HMGN1: variants seen among roughly 807,000 people sequenced by gnomAD.
The protein encoded by HMGN1 is non-histone chromosomal protein HMG-14.
In HMGN1, 9 loss-of-function variants were observed where a neutral mutation model predicts 18.4. The observed-to-expected ratio is 0.49, with a 90% CI of 0.29 to 0.85. The LOEUF is 0.85. Ranked by LOEUF, HMGN1 falls within the 40% of genes least tolerant of loss-of-function variation. The probability of loss-of-function intolerance (pLI) is 0.07; values close to 1 mark genes in which losing one functional copy is unlikely to be tolerated. For synonymous variants in HMGN1, 59 were observed against 45.0 expected (o/e 1.31, Z -1.24); for missense variants, 151 against 119.2 (o/e 1.27, Z -1.24).
intron 4 of HMGN1, 51 bp from the exon 5 acceptor site, chr21:39,345,325 C>G: frequency 1.9e-6 from 3 of 1,563,806 alleles, no homozygotes; most frequent in Non-Finnish European, 2.6e-6. Flanking sequence ...TCCTTATTTA[C>G]ATTTTGTTTT....
intron 4 of HMGN1, chr21:39,347,357 A>G (rs1431454189): frequency 1.2e-5 from 13 of 1,089,470 alleles, no homozygotes; most frequent in East Asian, 6.7e-5. Context: ...ATTAAAAAAG[A>G]AAAAACATCT....
In HMGN1 at chr21:39,343,115, A is replaced by G. The variant is rs757654629; in HGVS notation, c.300T>C (p.Asp100=). Residue 100 remains aspartate, a synonymous_variant, in exon 6 of 6, where the codon GAT becomes GAC. Transcript: ENST00000380749. The part of the protein sequence containing the change: ...DEAGEKEAKS[D] ...GATAAGACATGGTATATGGTTATTA[A>G]TCAGACTTGGCTTCTTTCTCTCCTG... The G allele has an allele frequency of 6.4e-7, 1 of 1,573,002 alleles. No individual in the cohort carries two copies. Among genetic ancestry groups the G allele is most frequent in the Non-Finnish European group, 8.7e-7 (1 of 1,146,698 alleles).
chr21:39,343,183 T>C, intron 5 of HMGN1, 24 bp from the exon 6 acceptor site: 1 of 1,582,916 alleles, frequency 6.3e-7, no homozygotes, highest in Non-Finnish European at 8.6e-7. Context: ...GAAATTGAGA[T>C]CTTTAGCATT....
chr21:39,345,556 C>G (rs1360088009), intron 4 of HMGN1: 8 of 479,044 alleles, frequency 1.7e-5, no homozygotes, highest in Non-Finnish European at 3.1e-5. Flanking sequence ...AGGTCCCCCC[C>G]AGTAATCAGG....
chr21:39,345,682 C>T (rs2037025955), intron 4 of HMGN1: 1 of 482,424 alleles, frequency 2.1e-6, no homozygotes, highest in African/African-American at 2.0e-5. Context: ...ATCCACTATT[C>T]CCTACAGTTC....
At chr21:39,345,074 T>G (rs1339807786) in intron 5 of HMGN1, 72 bp downstream of exon 5, 1 of 1,432,316 alleles carries the variant, frequency 7.0e-7, no homozygotes, top group Non-Finnish European at 9.2e-7. Context: ...ACAAAAAATG[T>G]ACAATTTAGT....
chr21:39,348,115 C>T (rs1258825818), intron 4 of HMGN1, 177 bp downstream of exon 4: 2 of 919,274 alleles, frequency 2.2e-6, no homozygotes, highest in African/African-American at 3.4e-5. Flanking sequence ...TGATATAGTT[C>T]TATAAACCAG....
intron 1 of HMGN1, 150 bp downstream of exon 1, chr21:39,348,753 C>A: frequency 9.2e-7 from 1 of 1,081,252 alleles, no homozygotes; most frequent in East Asian, 3.2e-5. Context: ...CCCCCGCGGC[C>A]GCCGAGCGCT....
In HMGN1 at chr21:39,345,876, C is replaced by CTAA. The variant is rs1194296504; in HGVS notation, c.127-603_127-602insTTA. On this transcript the variant is annotated intron_variant, in intron 4 of 5. Transcript: ENST00000380749. The stretch of plus-strand genomic sequence containing the variant: ...TACGGTCAGGTTGACTATCCTGCTA[C>CTAA]AGTTAATCCCTTCATATCATATAAT... 11 of 1,302,962 alleles carry CTAA rather than the reference C, an allele frequency of 8.4e-6. No individual in the cohort carries two copies. In the African/African-American group the frequency reaches 1.5e-4, roughly 18 times the overall value. 80.7% of individuals were successfully genotyped at this position (1,302,962 alleles called of 1,614,324 possible). A position where few individuals can be genotyped will look rare whatever the true frequency, so the allele number is the denominator to read the frequency against.
At chr21:39,344,604 T>C (rs1451991312) in intron 5 of HMGN1, 1 of 153,068 alleles carries the variant, frequency 6.5e-6, no homozygotes, top group Non-Finnish European at 1.4e-5. Context: ...TTGTTCCTTC[T>C]CTACTCCCAC....
intron 5 of HMGN1, among the ~76,000 whole-genome samples, chr21:39,344,243 C>T (rs2036962657): frequency 2.4e-5 from 2 of 83,480 alleles, no homozygotes; most frequent in African/African-American, 1.0e-4. Context: ...GCAACAAGAG[C>T]GAAATTCCGT....
At chr21:39,347,511 CA>C (rs1355444828) in intron 4 of HMGN1, 2 of 1,111,048 alleles carry the variant, frequency 1.8e-6, no homozygotes, top group South Asian at 2.6e-5. Flanking sequence ...AAGGCATTAA[CA>C]AAAATTTTTT....
intron 4 of HMGN1, chr21:39,345,959 C>G: frequency 7.7e-7 from 1 of 1,300,486 alleles, no homozygotes; most frequent in Non-Finnish European, 1.0e-6. Flanking sequence ...TTTGAAGAAT[C>G]TGAAAAGCAC....
chr21:39,348,733 A>G, intron 1 of HMGN1, 156 bp from the exon 2 acceptor site: 1 of 1,115,716 alleles, frequency 9.0e-7, no homozygotes, highest in South Asian at 1.9e-5. Context: ...CAAACGTTCC[A>G]GAACGCCCGC....
Position 39,345,152 on chromosome 21 carries a change from A to G in HMGN1, c.249T>C (p.Thr83=), listed in dbSNP as rs1443422187. 22 of 1,479,506 alleles carry G rather than the reference A, an allele frequency of 1.5e-5. No individual in the cohort carries two copies. Among genetic ancestry groups the G allele is most frequent in the Non-Finnish European group, 1.9e-5 (21 of 1,098,784 alleles). 91.6% of individuals were successfully genotyped at this position (1,479,506 alleles called of 1,614,324 possible). Residue 83 remains threonine, a synonymous_variant, in exon 5 of 6, where the codon ACT becomes ACC. Transcript: ENST00000380749. ...DLPAENGETK[T]EESPASDEAG... ...ACACACACACACTTCTGACCTCCTC[A>G]GTCTTCGTTTCCCCGTTTTCCGCAG... is the stretch of plus-strand genomic sequence containing the variant.
rs1257672947 is a variant in HMGN1, at chr21:39,348,852, G to A, written c.15+51C>T. ...GCCTGGGCCTCGCGGGGCCCGGCGG[G>A]GCGCCGGCGGCGGCTCCAGGGGGCG... On this transcript the variant is annotated intron_variant, in intron 1 of 5. Transcript: ENST00000380749. 5 of 1,062,812 alleles carry A rather than the reference G, an allele frequency of 4.7e-6. No individual in the cohort carries two copies. In the African/African-American group the frequency reaches 6.8e-5, roughly 14 times the overall value. The allele number at this position is 1,062,812 out of a possible 1,614,324, so 65.8% of individuals were successfully genotyped here.
intron 4 of HMGN1, chr21:39,347,421 C>CCATT (rs1336829042): frequency 7.8e-7 from 1 of 1,277,744 alleles, no homozygotes; most frequent in Admixed American, 2.4e-5. Flanking sequence ...CCAACAACTC[C>CCATT]TCAATGTCAA....
chr21:39,348,636 G>T (rs2037154886), intron 1 of HMGN1, 59 bp from the exon 2 acceptor site: 2 of 1,451,272 alleles, frequency 1.4e-6, no homozygotes, highest in Non-Finnish European at 1.8e-6. Flanking sequence ...TCGCGGGCCC[G>T]CCCGGCCCCG....
At position 39,348,575 on chromosome 21, in the gene HMGN1, G is replaced by T; in HGVS notation, c.18C>A (p.Val6=). ...CCTTGGCGGCGCCTTCGGCGGAGCT[G>T]ACCTGCGGAGACGGAGACGCACGAA... The part of the protein sequence containing the change: MPKRK[V]SSAEGAAKEE... The change falls in exon 2 of 6, where the codon GTC becomes GTA. Residue 6 remains valine, a splice_region_variant and synonymous_variant. Coordinates refer to ENST00000380749, the MANE Select transcript of HMGN1 (RefSeq NM_004965.7). 2 of 1,604,010 alleles carry T rather than the reference G, an allele frequency of 1.2e-6. No individual in the cohort carries two copies. Among genetic ancestry groups the T allele is most frequent in the Non-Finnish European group, 1.7e-6 (2 of 1,175,850 alleles).
Sources: gnomAD v4.1 joint callset for allele counts (sites outside exome capture counted in the v4.1 genomes callset) on GRCh38, gnomAD v4.1.1 for gene constraint, MANE v1.5 for transcripts, NCBI Gene and HGNC (gene_info 2026-07-23, HGNC 2026-07-21) for gene names.